FAT3: variants seen among roughly 807,000 people sequenced by gnomAD.
The protein encoded by FAT3 is protocadherin Fat 3.
FAT3 carries 95 observed loss-of-function variants against 310.2 expected under a neutral mutation model. The ratio of observed to expected loss-of-function variants is 0.31; its 90% CI spans 0.26 to 0.36. The LOEUF (loss-of-function observed/expected upper bound fraction) is 0.36, where lower values mean the gene tolerates loss of function less well. Among genes scored for constraint, FAT3 ranks in the 10% least tolerant of loss-of-function variants. The pLI, the probability that FAT3 is intolerant of heterozygous loss-of-function variation, is 1.00. For missense variants in FAT3, 5,408 were observed against 5,715.6 expected, an observed-to-expected ratio of 0.95 and a Z score of 1.74; for synonymous variants, 2,314 against 2,192.9, an observed-to-expected ratio of 1.06 and a Z score of -1.54.
chr11:92,421,417 A>G (rs72972411), intron 2 of FAT3, among the ~76,000 whole-genome samples: 17,662 of 152,194 alleles, frequency 0.12, 1,350 homozygotes, highest in African/African-American at 0.21. Flanking sequence ...TTAAATATCT[A>G]TTGAGCCTCT....
At chr11:92,332,915 C>G (rs1023834920) in intron 1 of FAT3, among the ~76,000 whole-genome samples, 1 of 152,054 alleles carries the variant, frequency 6.6e-6, no homozygotes, top group Non-Finnish European at 1.5e-5. Context: ...TTAGTATTTT[C>G]CCTCCCTTAA....
intron 3 of FAT3, among the ~76,000 whole-genome samples, chr11:92,591,092 T>C (rs1471381461): frequency 6.6e-6 from 1 of 152,194 alleles, no homozygotes; most frequent in Non-Finnish European, 1.5e-5. Flanking sequence ...TCAAAAATGC[T>C]AGCTCAAATA....
rs768588223 is a variant in FAT3 at position 92,883,134 on chromosome 11, G to C, written c.12678G>C (p.Gly4226=). 4 of 1,613,690 alleles carry C rather than the reference G, an allele frequency of 2.5e-6. No individual in the cohort carries two copies. Among genetic ancestry groups the C allele is most frequent in the Non-Finnish European group, 3.4e-6 (4 of 1,179,866 alleles). The change falls in exon 24 of 28, where the codon GGG becomes GGC. Residue 4226 remains glycine (G), a synonymous_variant. Transcript: ENST00000525166. This position sits in a 1 kb window ranked among gnomAD's most constrained non-coding sequence, Gnocchi z 4.2. ...GDGRNVYQEV[G]PPQVPVRPMA... is the part of the protein sequence containing the mutation. ...GCCGCAACGTCTACCAGGAGGTGGG[G>C]CCCCCGCAGGTCCCCGTGCGCCCCA...
intron 2 of FAT3, among the ~76,000 whole-genome samples, chr11:92,368,901 C>CAT (rs55858349): frequency 5.7e-5 from 8 of 140,542 alleles, no homozygotes; most frequent in South Asian, 2.2e-4. Flanking sequence ...TACACACACA[C>CAT]ATATATATAT....
intron 2 of FAT3, among the ~76,000 whole-genome samples, chr11:92,476,969 G>A (rs557832134): frequency 1.1e-4 from 16 of 152,164 alleles, no homozygotes; most frequent in Admixed American, 3.9e-4. Flanking sequence ...GTTTAATTCC[G>A]TCCAGACTGC....
intron 1 of FAT3, among the ~76,000 whole-genome samples, chr11:92,303,728 G>A (rs1048958492): frequency 6.6e-6 from 1 of 152,136 alleles, no homozygotes; most frequent in Non-Finnish European, 1.5e-5. Context: ...TTTGTGAAAT[G>A]TTTGTAGCTT....
chr11:92,562,281 A>T (rs1159038363), intron 3 of FAT3, among the ~76,000 whole-genome samples: 5 of 152,220 alleles, frequency 3.3e-5, no homozygotes, highest in Admixed American at 6.5e-5. Context: ...CCTACCATAT[A>T]GAATGGGAAA....
Position 92,352,263 on chromosome 11 carries a change from A to T in FAT3, c.151A>T (p.Thr51Ser), listed in dbSNP as rs1300781110. Residue 51 changes from threonine to serine, a missense_variant, in exon 2 of 28, where the codon ACC becomes TCC. By Grantham distance (58) the Thr-to-Ser change is moderately conservative. This residue lies in a region of FAT3 where 152 missense variants were observed against 188.3 expected (regional missense o/e 0.81). Transcript: ENST00000525166. ...CTTCACACATTCCATTTATAATGCT[A>T]CCGTGTATGAGAACTCAGCAGCAAG... ...FHFTHSIYNA[T>S]VYENSAARTY... 1.4e-6 allele frequency: 2 copies of T among 1,426,244 alleles called. No individual in the cohort carries two copies. The highest frequency in any genetic ancestry group is 1.9e-6 in the Non-Finnish European group (2 of 1,060,964). 88.3% of individuals were successfully genotyped at this position (1,426,244 alleles called of 1,614,324 possible).
In FAT3 at chr11:92,821,750, T is replaced by C. The variant is rs572984767; in HGVS notation, c.9482-9872T>C. Among the ~76,000 whole-genome samples, 514 of 152,314 alleles carry C rather than the reference T, an allele frequency of 3.4e-3. 2 individuals carry two copies. Among genetic ancestry groups the C allele is most frequent in the African/African-American group, 0.012 (480 of 41,574 alleles). On this transcript the variant is annotated intron_variant, in intron 13 of 27. Coordinates refer to ENST00000525166, the MANE Select transcript of FAT3 (RefSeq NM_001367949.2). ...GAAATTAAGGTTCAAAAACGTTAAGTGGCCCCTCCCAAGGCATCTGTTAAA... is the reference window on the plus strand; with the variant it reads ...GAAATTAAGGTTCAAAAACGTTAAGCGGCCCCTCCCAAGGCATCTGTTAAA...
At chr11:92,343,455 A>T (rs1948324590) in intron 1 of FAT3, among the ~76,000 whole-genome samples, 1 of 152,182 alleles carries the variant, frequency 6.6e-6, no homozygotes, top group Non-Finnish European at 1.5e-5. Flanking sequence ...AGAGAGGTGA[A>T]ATATGACCTT....
intron 1 of FAT3, among the ~76,000 whole-genome samples, chr11:92,337,406 T>A (rs1199962812): frequency 1.3e-5 from 2 of 152,184 alleles, no homozygotes; most frequent in African/African-American, 4.8e-5. Flanking sequence ...ATTTTTCTTT[T>A]TGATCTGGAA....
intron 2 of FAT3, among the ~76,000 whole-genome samples, chr11:92,451,133 A>G (rs1441811649): frequency 1.3e-5 from 2 of 152,276 alleles, no homozygotes; most frequent in East Asian, 3.9e-4. Context: ...CACTTGACTG[A>G]AAGCTGTAGC....
chr11:92,830,365 T>C (rs1591789825), intron 13 of FAT3, among the ~76,000 whole-genome samples: 2 of 152,336 alleles, frequency 1.3e-5, no homozygotes, highest in South Asian at 4.1e-4. Flanking sequence ...TAGTACATAG[T>C]AACATAAAAT....
chr11:92,352,515 G>A lies in FAT3; in HGVS notation c.403G>A (p.Gly135Arg). The change falls in exon 2 of 28, where the codon GGA becomes AGA. Residue 135 changes from glycine (G) to arginine (R), a missense_variant. Physicochemically the swap from Gly to Arg is moderately radical, Grantham distance 125. Around this residue, in one of 5 missense-constraint regions of FAT3, gnomAD observed 152 missense variants for 188.3 expected, o/e 0.81. Transcript: ENST00000525166. ...ATTGATAGTAAAAGGTTCTGTCAGA[G>A]GAGAGGATTTGGAAGCATGGACCAA... Reference protein sequence around the residue: ...YLLIVKGSVRGEDLEAWTKVN... With the variant: ...YLLIVKGSVRREDLEAWTKVN... 1 of 1,613,412 alleles carries A rather than the reference G, an allele frequency of 6.2e-7. No homozygotes were observed. The highest frequency in any genetic ancestry group is 8.5e-7 in the Non-Finnish European group (1 of 1,179,770).
intron 3 of FAT3, among the ~76,000 whole-genome samples, chr11:92,562,412 A>G (rs893419133): frequency 3.9e-5 from 6 of 152,248 alleles, no homozygotes; most frequent in East Asian, 1.9e-4. Context: ...ATGTTCTCCC[A>G]GTTACTCTGA....
intron 1 of FAT3, among the ~76,000 whole-genome samples, chr11:92,306,733 A>T (rs1384721505): frequency 8.8e-6 from 1 of 113,608 alleles, no homozygotes; most frequent in Non-Finnish European, 1.7e-5. Flanking sequence ...TTATATATAT[A>T]TTTATATATA....
At position 92,329,459 on chromosome 11, in the gene FAT3, C is replaced by G. The variant is rs559930820; in HGVS notation, c.-17-22637C>G. On this transcript the variant is annotated intron_variant, in intron 1 of 27. Transcript: ENST00000525166. ...AAGTAGAAGCAGCCTGAGGCCCTCACCTGATACAGATGCCAACACCATGCT... is the reference window on the plus strand; with the variant it reads ...AAGTAGAAGCAGCCTGAGGCCCTCAGCTGATACAGATGCCAACACCATGCT... 1.6e-4 allele frequency among the ~76,000 whole-genome samples: 24 copies of G among 152,196 alleles called. No homozygotes were observed. The East Asian group carries it at 4.1e-3, about 26-fold the overall frequency.
intron 1 of FAT3, among the ~76,000 whole-genome samples, chr11:92,274,287 C>T (rs927119576): frequency 2.6e-5 from 4 of 152,046 alleles, no homozygotes; most frequent in Admixed American, 1.3e-4. Flanking sequence ...TAAACCCCTA[C>T]TTACTACTGA....
chr11:92,883,512 G>A lies in FAT3; in HGVS notation c.12937+119G>A. ...GCATGCAGAGCATTCGCTATGACAT[G>A]TGCTGATGTCGAATGTGCACACCAG... On this transcript the variant is annotated intron_variant, in intron 24 of 27. Transcript: ENST00000525166. This position sits in a 1 kb window ranked among gnomAD's most constrained non-coding sequence, Gnocchi z 4.2. The A allele has an allele frequency of 7.6e-7, 1 of 1,309,158 alleles. No homozygotes were observed. Among genetic ancestry groups the A allele is most frequent in the Non-Finnish European group, 1.0e-6 (1 of 969,560 alleles). The allele number at this position is 1,309,158 out of a possible 1,614,324, so 81.1% of individuals were successfully genotyped here.
Sources: gnomAD v4.1 joint callset for allele counts (sites outside exome capture counted in the v4.1 genomes callset) on GRCh38, gnomAD v4.1.1 for gene constraint, gnomAD v4.1.1 regional missense constraint, Gnocchi (gnomAD v3.1) non-coding constraint, MANE v1.5 for transcripts, NCBI Gene and HGNC (gene_info 2026-07-23, HGNC 2026-07-21) for gene names.